The following HS3ST4 variants were observed in gnomAD, a reference collection of about 807,000 sequenced individuals.
HS3ST4 encodes the protein heparan sulfate glucosamine 3-O-sulfotransferase 4.
Under a neutral mutation model 29.2 loss-of-function variants are expected in HS3ST4, and 17 were observed. That is an observed-to-expected ratio of 0.58 (90% CI 0.40 to 0.87). The LOEUF (loss-of-function observed/expected upper bound fraction) is 0.87, where lower values mean the gene tolerates loss of function less well. Among genes scored for constraint, HS3ST4 ranks in the 40% least tolerant of loss-of-function variants. The pLI, the probability that HS3ST4 is intolerant of heterozygous loss-of-function variation, is 0.00. For synonymous variants in HS3ST4, 314 were observed against 285.7 expected (o/e 1.10, Z -1.00); for missense variants, 627 against 634.5 (o/e 0.99, Z 0.13).
intron 1 of HS3ST4, among the ~76,000 whole-genome samples, chr16:25,962,522 A>G (rs1381905556): frequency 1.3e-5 from 2 of 152,160 alleles, no homozygotes; most frequent in African/African-American, 4.8e-5. Context: ...ACAAGCCAAC[A>G]ATATTTGTGC....
chr16:25,870,100 GTCCATCTA>G (rs1198570247), intron 1 of HS3ST4, among the ~76,000 whole-genome samples: 1 of 82,722 alleles, frequency 1.2e-5, no homozygotes, highest in African/African-American at 3.4e-5. Flanking sequence ...CCATCCATCT[GTCCATCTA>G]TCCACCCTTC....
At chr16:25,912,696 T>A (rs772311774) in intron 1 of HS3ST4, among the ~76,000 whole-genome samples, 1 of 152,298 alleles carries the variant, frequency 6.6e-6, no homozygotes, top group Middle Eastern at 3.4e-3. Context: ...TGGGTCGGCT[T>A]AATTCTGAAC....
intron 1 of HS3ST4, among the ~76,000 whole-genome samples, chr16:25,870,755 G>A (rs913423823): frequency 1.3e-5 from 2 of 152,198 alleles, no homozygotes; most frequent in Non-Finnish European, 2.9e-5. Flanking sequence ...CAGAAACAGG[G>A]ATACCAGTAG....
chr16:25,883,941 C>A (rs1967920392), intron 1 of HS3ST4, among the ~76,000 whole-genome samples: 1 of 151,948 alleles, frequency 6.6e-6, no homozygotes, highest in South Asian at 2.1e-4. Flanking sequence ...ATGGTGAAAC[C>A]CCGTCTACTA....
At chr16:26,039,110 C>A (rs577691726) in intron 1 of HS3ST4, among the ~76,000 whole-genome samples, 3 of 152,142 alleles carry the variant, frequency 2.0e-5, no homozygotes, top group Non-Finnish European at 4.4e-5. Flanking sequence ...GAATTCTACA[C>A]CTTCTTTTGG....
Position 25,692,443 on chromosome 16 carries a change from C to G in HS3ST4, c.26C>G (p.Pro9Arg), listed in dbSNP as rs1456793007. ...ATGGCCCGGTGGCCCGCACCTCCTC[C>G]GCCTCCGCCTCCGCCTCCACCTCTG... Reference protein sequence around the residue: MARWPAPPPPPPPPPPLAA... With the variant: MARWPAPPRPPPPPPPLAA... The change falls in exon 1 of 2, where the codon CCG becomes CGG. Residue 9 changes from proline to arginine, a missense_variant. By Grantham distance (103) the Pro-to-Arg change is moderately radical. Coordinates refer to ENST00000331351, the MANE Select transcript of HS3ST4 (RefSeq NM_006040.3). 3 of 1,234,706 alleles carry G rather than the reference C, an allele frequency of 2.4e-6. No individual in the cohort carries two copies. The highest frequency in any genetic ancestry group is 3.1e-6 in the Non-Finnish European group (3 of 975,696). The allele number at this position is 1,234,706 out of a possible 1,614,324, so 76.5% of individuals were successfully genotyped here. A position where few individuals can be genotyped will look rare whatever the true frequency, so the allele number is the denominator to read the frequency against.
intron 1 of HS3ST4, among the ~76,000 whole-genome samples, chr16:26,038,742 G>A (rs1273330867): frequency 6.6e-6 from 1 of 152,026 alleles, no homozygotes; most frequent in Non-Finnish European, 1.5e-5. Context: ...GGAGTGCAGT[G>A]GTGCGATCTC....
At chr16:25,834,902 G>A (rs1451223820) in intron 1 of HS3ST4, among the ~76,000 whole-genome samples, 1 of 152,006 alleles carries the variant, frequency 6.6e-6, no homozygotes, top group Non-Finnish European at 1.5e-5. Context: ...AGCTGAGATC[G>A]CACCACTGCA....
chr16:25,917,396 A>G (rs1022461864), intron 1 of HS3ST4, among the ~76,000 whole-genome samples: 4 of 152,178 alleles, frequency 2.6e-5, no homozygotes, highest in Middle Eastern at 3.4e-3. Flanking sequence ...TATTTTTAGT[A>G]GAGATGGGGT....
chr16:25,965,006 A>T lies in HS3ST4; in HGVS notation c.735-170606A>T, dbSNP rs550754025. Among the ~76,000 whole-genome samples the T allele has an allele frequency of 2.0e-5, 3 of 152,292 alleles. No individual in the cohort carries two copies. In the South Asian group the frequency reaches 6.2e-4, roughly 32 times the overall value. The stretch of plus-strand genomic sequence containing the variant: ...CAATAGGCTGGGCACTAGGTACATA[A>T]AAATAAATTAGGCATATTCTCTTTT... On this transcript the variant is annotated intron_variant, in intron 1 of 1. Transcript: ENST00000331351.
chr16:25,949,739 A>C (rs1365362917), intron 1 of HS3ST4, among the ~76,000 whole-genome samples: 2 of 152,194 alleles, frequency 1.3e-5, no homozygotes, highest in African/African-American at 4.8e-5. Context: ...TTCTTGTCGA[A>C]GGTGGGACAG....
chr16:25,933,501 C>A, intron 1 of HS3ST4: 1 of 450,498 alleles, frequency 2.2e-6, no homozygotes, highest in Non-Finnish European at 4.5e-6. Context: ...GATGCCACAG[C>A]GAGAGTAGGC....
At chr16:25,970,434 C>T (rs1452400982) in intron 1 of HS3ST4, among the ~76,000 whole-genome samples, 1 of 152,168 alleles carries the variant, frequency 6.6e-6, no homozygotes, top group East Asian at 1.9e-4. Flanking sequence ...TAGTAAAGAA[C>T]TCATGGTTAA....
intron 1 of HS3ST4, among the ~76,000 whole-genome samples, chr16:25,947,553 T>C (rs1457335202): frequency 6.6e-6 from 1 of 152,146 alleles, no homozygotes; most frequent in African/African-American, 2.4e-5. Flanking sequence ...GCTTTATTTT[T>C]TTTTAATGCA....
chr16:26,046,553 C>G (rs1275689730), intron 1 of HS3ST4, among the ~76,000 whole-genome samples: 1 of 152,126 alleles, frequency 6.6e-6, no homozygotes, highest in Non-Finnish European at 1.5e-5. Context: ...CACTTCACTT[C>G]TGATTGCTGT....
intron 1 of HS3ST4, among the ~76,000 whole-genome samples, chr16:25,952,384 T>C (rs1968690936): frequency 6.6e-6 from 1 of 152,164 alleles, no homozygotes; most frequent in African/African-American, 2.4e-5. Flanking sequence ...GTCTCTGACC[T>C]TGAACACTTT....
intron 1 of HS3ST4, among the ~76,000 whole-genome samples, chr16:26,085,735 A>G (rs1215850657): frequency 6.6e-6 from 1 of 151,948 alleles, no homozygotes; most frequent in Non-Finnish European, 1.5e-5. Flanking sequence ...TTAGCTGTGC[A>G]TGGTGATGTG....
chr16:25,863,988 C>G (rs1967664577), intron 1 of HS3ST4, among the ~76,000 whole-genome samples: 1 of 151,976 alleles, frequency 6.6e-6, no homozygotes, highest in African/African-American at 2.4e-5. Flanking sequence ...CCTTAAGGTG[C>G]AGAGAGCCAC....
chr16:25,948,107 G>A (rs1249340608), intron 1 of HS3ST4, among the ~76,000 whole-genome samples: 2 of 152,112 alleles, frequency 1.3e-5, no homozygotes, highest in South Asian at 2.1e-4. Flanking sequence ...AATGAGGTAC[G>A]TACACCATAT....
Sources: gnomAD v4.1 joint callset for allele counts (sites outside exome capture counted in the v4.1 genomes callset) on GRCh38, gnomAD v4.1.1 for gene constraint, MANE v1.5 for transcripts, NCBI Gene and HGNC (gene_info 2026-07-23, HGNC 2026-07-21) for gene names.